The following MDM1 variants were observed in gnomAD, a reference collection of about 807,000 sequenced individuals.
MDM1 encodes the protein Mdm1 nuclear protein.
In MDM1, 61 loss-of-function variants were observed where a neutral mutation model predicts 89.1. The ratio of observed to expected loss-of-function variants is 0.68; its 90% CI spans 0.56 to 0.85. The LOEUF (loss-of-function observed/expected upper bound fraction) is 0.85, where lower values mean the gene tolerates loss of function less well. Ranked by LOEUF, MDM1 falls within the 40% of genes least tolerant of loss-of-function variation. The probability of loss-of-function intolerance (pLI) is 0.00; values close to 1 mark genes in which losing one functional copy is unlikely to be tolerated. For synonymous variants in MDM1, 290 were observed against 294.1 expected (o/e 0.99, Z 0.14); for missense variants, 820 against 846.5 (o/e 0.97, Z 0.39).
At chr12:68,331,258 T>A in intron 1 of MDM1, 37 bp from the exon 2 acceptor site, 5 of 1,087,770 alleles carry the variant, frequency 4.6e-6, no homozygotes, top group Non-Finnish European at 7.1e-6. Flanking sequence ...ACAGTCCAAT[T>A]AATGAATGAT....
intron 1 of MDM1, 39 bp downstream of exon 1, chr12:68,332,189 C>T: frequency 6.6e-7 from 1 of 1,514,530 alleles, no homozygotes; most frequent in South Asian, 1.3e-5. Flanking sequence ...GGCCATGGCT[C>T]CCCCCAGCCA....
Position 68,313,714 on chromosome 12 carries a change from A to G in MDM1, c.1569T>C (p.Leu523=). 1 of 1,614,200 alleles carries G rather than the reference A, an allele frequency of 6.2e-7. No individual in the cohort carries two copies. Among genetic ancestry groups the G allele is most frequent in the Non-Finnish European group, 8.5e-7 (1 of 1,180,022 alleles). Residue 523 remains leucine, a synonymous_variant, in exon 11 of 15, where the codon CTT becomes CTC. Transcript: ENST00000682720. ...CAAGTTCTCTCAGCTTGGGAGTAGG[A>G]AGCCGGCCTCCTTTTTCTGAGGATA... ...SSVSSEKGGR[L]PTPKLRELGG... is the part of the protein sequence containing the mutation.
At chr12:68,321,762 A>T in intron 5 of MDM1, 134 bp from the exon 6 acceptor site, 2 of 522,838 alleles carry the variant, frequency 3.8e-6, no homozygotes, top group Non-Finnish European at 6.4e-6. Flanking sequence ...TAAAGAAAAT[A>T]AAAACCATAA....
rs770273322 is a variant in MDM1, at chr12:68,315,026, G to A, written c.1451C>T (p.Thr484Met). The change falls in exon 10 of 15, where the codon ACG becomes ATG. Residue 484 changes from threonine to methionine, a missense_variant. Physicochemically the swap from Thr to Met is moderately conservative, Grantham distance 81 (BLOSUM62 -1). Coordinates refer to ENST00000682720, the MANE Select transcript of MDM1 (RefSeq NM_001354969.2). ...CTCTCCCATAAAAGCCTGCTTGCCC[G>A]TTTTCCTGTCCCCTTCCTCTTCATT... The part of the protein sequence containing the change: ...DDNEEEGDRK[T>M]GKQAFMGEQE... 13 of 1,613,876 alleles carry A rather than the reference G, an allele frequency of 8.1e-6. No individual in the cohort carries two copies. The highest frequency in any genetic ancestry group is 2.2e-5 in the East Asian group (1 of 44,902).
intron 7 of MDM1, among the ~76,000 whole-genome samples, chr12:68,320,202 T>C (rs1209256533): frequency 6.6e-6 from 1 of 152,252 alleles, no homozygotes; most frequent in African/African-American, 2.4e-5. Context: ...GGGATGGTCA[T>C]AAACTGCTCA....
intron 3 of MDM1, 130 bp from the exon 4 acceptor site, chr12:68,325,705 G>T: frequency 7.5e-7 from 1 of 1,330,348 alleles, no homozygotes. Flanking sequence ...GTGCAAAATT[G>T]TTAACTACAT....
intron 12 of MDM1, among the ~76,000 whole-genome samples, chr12:68,308,077 T>C (rs1873159681): frequency 6.6e-6 from 1 of 151,006 alleles, no homozygotes; most frequent in South Asian, 2.1e-4. Context: ...ACACTTTTAA[T>C]CTCTCTGGGT....
chr12:68,317,065 A>G (rs1286624556), intron 7 of MDM1, among the ~76,000 whole-genome samples: 1 of 152,082 alleles, frequency 6.6e-6, no homozygotes, highest in Non-Finnish European at 1.5e-5. Context: ...TACTAAATAT[A>G]TAATTTAAAA....
chr12:68,301,086 A>C (rs1872088808), intron 13 of MDM1, among the ~76,000 whole-genome samples: 1 of 152,244 alleles, frequency 6.6e-6, no homozygotes, highest in Non-Finnish European at 1.5e-5. Flanking sequence ...ATCAAGATGG[A>C]AATTCAAAAA....
intron 13 of MDM1, among the ~76,000 whole-genome samples, chr12:68,299,140 T>C (rs1016920222): frequency 8.6e-5 from 13 of 151,852 alleles, no homozygotes; most frequent in African/African-American, 3.1e-4. Context: ...AAAACACACA[T>C]AGTCAAATCA....
intron 13 of MDM1, among the ~76,000 whole-genome samples, chr12:68,299,966 C>T (rs1225786613): frequency 2.0e-5 from 3 of 152,108 alleles, no homozygotes; most frequent in Non-Finnish European, 4.4e-5. Context: ...AAAAGAAAAA[C>T]AACTAGACTA....
chr12:68,306,911 T>C (rs1872966805), intron 12 of MDM1, among the ~76,000 whole-genome samples: 1 of 152,206 alleles, frequency 6.6e-6, no homozygotes, highest in Admixed American at 6.5e-5. Flanking sequence ...TCCAGCACTA[T>C]TCACATTAGC....
In MDM1 at chr12:68,325,529, G is replaced by A. The variant is rs2121132914; in HGVS notation, c.545C>T (p.Ser182Leu). 1 of 1,597,620 alleles carries A rather than the reference G, an allele frequency of 6.3e-7. No individual in the cohort carries two copies. Among genetic ancestry groups the A allele is most frequent in the South Asian group, 1.2e-5 (1 of 86,800 alleles). ...TTCAGAATTTCTCAAGGCATTATAT[G>A]AAGGAACAACAGTCAATCCAGCTTT... Reference protein sequence around the residue: ...RKKAGLTVVPSYNALRNSEYQ... With the variant: ...RKKAGLTVVPLYNALRNSEYQ... The change falls in exon 4 of 15, where the codon TCA becomes TTA. Residue 182 changes from serine to leucine, a missense_variant. Coordinates refer to ENST00000682720, the MANE Select transcript of MDM1 (RefSeq NM_001354969.2).
At chr12:68,325,373 T>C (rs1875813064) in intron 4 of MDM1, 68 bp downstream of exon 4, 12 of 1,401,958 alleles carry the variant, frequency 8.6e-6, no homozygotes, top group Non-Finnish European at 1.1e-5. Flanking sequence ...CAACTCTTAA[T>C]TCTATGTAAA....
intron 1 of MDM1, chr12:68,331,928 T>C: frequency 1.5e-6 from 1 of 671,436 alleles, no homozygotes; most frequent in Non-Finnish European, 2.7e-6. Context: ...AAGTCGCCTT[T>C]AGTTCTCTTC....
At chr12:68,326,029 C>T (rs1875920575) in intron 3 of MDM1, 2 of 994,234 alleles carry the variant, frequency 2.0e-6, no homozygotes, top group Non-Finnish European at 2.4e-6. Context: ...TCTGAAATGC[C>T]TCTTCAGGGT....
At chr12:68,308,022 A>G (rs981609526) in intron 12 of MDM1, among the ~76,000 whole-genome samples, 1 of 150,194 alleles carries the variant, frequency 6.7e-6, no homozygotes. Flanking sequence ...CTCCCTTTCT[A>G]ATCTCATTTC....
chr12:68,302,881 CAAAAAAA>C lies in MDM1; in HGVS notation c.1750-16_1750-10del. On this transcript the variant is annotated splice_polypyrimidine_tract_variant and intron_variant, in intron 12 of 14. Transcript: ENST00000682720. ...ACAGCACGACTTTCTTTCTAAATGA[CAAAAAAA>C]AAAAAAAAAAAAAGATGCCTATGTG... 5.8e-5 allele frequency: 64 copies of C among 1,103,056 alleles called. No homozygotes were observed. The highest frequency in any genetic ancestry group is 6.6e-5 in the East Asian group (2 of 30,182). 68.3% of individuals were successfully genotyped at this position (1,103,056 alleles called of 1,614,324 possible).
chr12:68,322,012 T>C (rs1034966654), intron 5 of MDM1, among the ~76,000 whole-genome samples: 1 of 152,230 alleles, frequency 6.6e-6, no homozygotes, highest in African/African-American at 2.4e-5. Flanking sequence ...AGTTACCAAA[T>C]CGCTTTACTG....
Sources: allele counts gnomAD v4.1 joint callset (sites outside exome capture counted in the v4.1 genomes callset), GRCh38; gene constraint gnomAD v4.1.1; transcripts MANE v1.5; gene names NCBI Gene and HGNC (gene_info 2026-07-23, HGNC 2026-07-21).